Variants in HIP1R observed in about 807,000 individuals in gnomAD.
HIP1R encodes huntingtin interacting protein 1 related, also known as huntingtin-interacting protein 1-related protein.
Under a neutral mutation model 144.2 loss-of-function variants are expected in HIP1R, and 135 were observed. The ratio of observed to expected loss-of-function variants is 0.94; its 90% CI spans 0.81 to 1.08. The LOEUF is 1.08. HIP1R is among the 50% of genes least tolerant of loss of function. The pLI, the probability that HIP1R is intolerant of heterozygous loss-of-function variation, is 0.00. For missense variants in HIP1R, 1,462 were observed against 1,432.8 expected, an observed-to-expected ratio of 1.02 and a Z score of -0.33; for synonymous variants, 698 against 612.8, an observed-to-expected ratio of 1.14 and a Z score of -2.05.
intron 1 of HIP1R, among the ~76,000 whole-genome samples, chr12:122,837,145 A>G (rs2032922570): frequency 6.6e-6 from 1 of 152,138 alleles, no homozygotes. Flanking sequence ...GCCTTTGAGG[A>G]CGTATAAAGA....
Position 122,859,076 on chromosome 12 carries a change from G to T in HIP1R, c.2174G>T (p.Cys725Phe). 6.2e-7 allele frequency: 1 copy of T among 1,605,562 alleles called. No individual in the cohort carries two copies. Among genetic ancestry groups the T allele is most frequent in the Non-Finnish European group, 8.5e-7 (1 of 1,176,732 alleles). ...TDPADRLIDT[C>F]RECGARALEL... ...CTCACCCCAGGCCTCATAGACACCT[G>T]CAGGGAGTGCGGGGCCCGGGCTCTG... The change falls in exon 22 of 32, where the codon TGC becomes TTC. Residue 725 changes from cysteine to phenylalanine, a missense_variant. Cys to Phe is a radical substitution (Grantham distance 205). Coordinates refer to ENST00000253083, the MANE Select transcript of HIP1R (RefSeq NM_003959.3).
chr12:122,848,683 C>A, intron 3 of HIP1R, 75 bp downstream of exon 3: 5 of 1,594,048 alleles, frequency 3.1e-6, no homozygotes, highest in Non-Finnish European at 4.3e-6. Context: ...TGGCCCTGTT[C>A]CTGTCCCCGT....
intron 1 of HIP1R, among the ~76,000 whole-genome samples, chr12:122,843,607 C>CT (rs1206569436): frequency 6.6e-6 from 1 of 152,174 alleles, no homozygotes; most frequent in African/African-American, 2.4e-5. Context: ...ACTCTCTGTC[C>CT]TTAAAGGTCA....
chr12:122,860,200 A>C lies in HIP1R; in HGVS notation c.2549A>C (p.Glu850Ala), dbSNP rs982867397. The change falls in exon 26 of 32, where the codon GAG becomes GCG. Residue 850 changes from glutamate to alanine, a missense_variant. This residue lies in a region of HIP1R where 1,112 missense variants were observed against 1,011.7 expected (regional missense o/e 1.10). Transcript: ENST00000253083. ...ACTAGCCTGCAGAAGGAGATCGTGG[A>C]GAGCGGCAGGGTGAGGGGCCGGCGG... is the stretch of plus-strand genomic sequence containing the variant. Reference protein sequence around the residue: ...TSTSLQKEIVESGRGAATQQE... With the variant: ...TSTSLQKEIVASGRGAATQQE... 3 of 1,563,576 alleles carry C rather than the reference A, an allele frequency of 1.9e-6. No individual in the cohort carries two copies. The highest frequency in any genetic ancestry group is 2.6e-6 in the Non-Finnish European group (3 of 1,155,896).
At chr12:122,850,167 G>A (rs997799611) in intron 5 of HIP1R, 1 of 679,444 alleles carries the variant, frequency 1.5e-6, no homozygotes, top group Non-Finnish European at 2.7e-6. Context: ...GTGGACGTGG[G>A]CACGGGCTTC....
At chr12:122,852,142 A>G (rs1458600863) in intron 7 of HIP1R, among the ~76,000 whole-genome samples, 2 of 152,258 alleles carry the variant, frequency 1.3e-5, no homozygotes, top group East Asian at 3.8e-4. Flanking sequence ...GAGGGCAAGA[A>G]GCAAATGCCT....
At chr12:122,854,859 T>C in intron 8 of HIP1R, 46 bp from the exon 9 acceptor site, 2 of 1,592,454 alleles carry the variant, frequency 1.3e-6, no homozygotes, top group Non-Finnish European at 1.7e-6. Flanking sequence ...GGTGAGCCCC[T>C]GAGCAGTGTG....
intron 7 of HIP1R, chr12:122,853,514 C>T (rs1019664449): frequency 1.2e-5 from 1 of 83,544 alleles, no homozygotes; most frequent in East Asian, 3.6e-4. Flanking sequence ...GCAGGGGAGA[C>T]GGGCCCTGGG....
chr12:122,856,596 TGCCCCA>T (rs1438978392), intron 16 of HIP1R, 23 bp from the exon 17 acceptor site: 2 of 1,599,098 alleles, frequency 1.3e-6, no homozygotes, highest in Admixed American at 1.7e-5. Context: ...CCCAGCCCAC[TGCCCCA>T]GTGACACGCT....
At position 122,858,162 on chromosome 12, in the gene HIP1R, G is replaced by T. The variant is rs1330857436; in HGVS notation, c.1876G>T (p.Gly626Cys). The stretch of plus-strand genomic sequence containing the variant: ...GGACGAGCAGTTCGCAGTGTTGCGG[G>T]GCGCTGCTGCCGAGGCCGCGGGCAT... ...LLDEQFAVLR[G>C]AAAEAAGILQ... The change falls in exon 19 of 32, where the codon GGC becomes TGC. Residue 626 changes from glycine (G) to cysteine (C), a missense_variant. This residue lies in a region of HIP1R where 1,112 missense variants were observed against 1,011.7 expected (regional missense o/e 1.10). Coordinates refer to ENST00000253083, the MANE Select transcript of HIP1R (RefSeq NM_003959.3). 1 of 1,606,354 alleles carries T rather than the reference G, an allele frequency of 6.2e-7. No homozygotes were observed. The highest frequency in any genetic ancestry group is 1.7e-5 in the Admixed American group (1 of 59,864).
Position 122,862,583 on chromosome 12 carries a change from C to G in HIP1R, c.*830C>G, listed in dbSNP as rs937380729. The stretch of plus-strand genomic sequence containing the variant: ...GAGAGTGGGCTTGGCCCTAGGCCCT[C>G]CAGCTCAGCCAGAAAAAGCCCAGAA... On this transcript the variant is annotated 3_prime_UTR_variant, in exon 32 of 32. Coordinates refer to ENST00000253083, the MANE Select transcript of HIP1R (RefSeq NM_003959.3). 3 of 152,400 alleles carry G rather than the reference C, an allele frequency of 2.0e-5. No homozygotes were observed. The highest frequency in any genetic ancestry group is 7.2e-5 in the African/African-American group (3 of 41,472). The allele number at this position is 152,400 out of a possible 1,614,324, so 9.4% of individuals were successfully genotyped here.
intron 1 of HIP1R, among the ~76,000 whole-genome samples, chr12:122,838,131 C>CT (rs2032958750): frequency 1.3e-5 from 2 of 152,122 alleles, no homozygotes; most frequent in African/African-American, 4.8e-5. Context: ...TTCCTGTGAG[C>CT]TTTTTTGACA....
chr12:122,859,374 GTGGGACGGGGGGGGACGGAGGCTACCCC>G, intron 22 of HIP1R, 24 bp from the exon 23 acceptor site: 1 of 1,538,482 alleles, frequency 6.5e-7, no homozygotes, highest in Non-Finnish European at 9.0e-7. Flanking sequence ...CAGGCTGCCC[GTGGGACGGGGGGGGACGGAGGCTACCCC>G]TGTCTGACTC....
Position 122,861,333 on chromosome 12 carries a change from C to CGGTCTT in HIP1R, c.2979_2980insGTCTTG (p.Thr993_Leu994insValLeu). The CGGTCTT allele has an allele frequency of 6.2e-7, 1 of 1,613,724 alleles. No homozygotes were observed. The highest frequency in any genetic ancestry group is 8.5e-7 in the Non-Finnish European group (1 of 1,179,976). On this transcript the variant is annotated inframe_insertion, in exon 31 of 32. Coordinates refer to ENST00000253083, the MANE Select transcript of HIP1R (RefSeq NM_003959.3). ...GTGCGTGTCCTGGAGCTGGAGAAGA[C>CGGTCTT]GCTGGAGGCTGAACGCATGCGGCTG...
At chr12:122,846,747 TAGGGGCC>T (rs1409484817) in intron 1 of HIP1R, among the ~76,000 whole-genome samples, 2 of 152,160 alleles carry the variant, frequency 1.3e-5, no homozygotes, top group African/African-American at 2.4e-5. Flanking sequence ...AGCATCGTGC[TAGGGGCC>T]GGGGGCGGCC....
intron 1 of HIP1R, among the ~76,000 whole-genome samples, chr12:122,837,669 C>T (rs561579709): frequency 1.3e-5 from 2 of 152,274 alleles, no homozygotes; most frequent in East Asian, 1.9e-4. Flanking sequence ...CTAAGAGGGC[C>T]ACTAACAATG....
intron 1 of HIP1R, among the ~76,000 whole-genome samples, chr12:122,845,401 A>G (rs942088888): frequency 2.0e-5 from 3 of 152,188 alleles, no homozygotes; most frequent in African/African-American, 7.2e-5. Flanking sequence ...GTGTTCCCAG[A>G]GCCAGCCGGC....
chr12:122,857,178 A>C lies in HIP1R; in HGVS notation c.1778A>C (p.Gln593Pro), dbSNP rs568239694. Residue 593 changes from glutamine to proline, a missense_variant, in exon 18 of 32, where the codon CAG becomes CCG. Around this residue, in one of 2 missense-constraint regions of HIP1R, gnomAD observed 1,112 missense variants for 1,011.7 expected, o/e 1.10. Transcript: ENST00000253083. ...AGCCGGGAGCAGCAGCGCAGCTCCC[A>C]GGAGCAGGGCGAGTTGCAGGGCCGG... ...ALSREQQRSS[Q>P]EQGELQGRLA... 11 of 1,550,478 alleles carry C rather than the reference A, an allele frequency of 7.1e-6. No homozygotes were observed. In the South Asian group the frequency reaches 9.5e-5, roughly 13 times the overall value.
intron 5 of HIP1R, chr12:122,850,189 C>G (rs903852663): frequency 1.5e-6 from 1 of 658,626 alleles, no homozygotes; most frequent in Admixed American, 2.1e-5. Context: ...CCAGGCGTTT[C>G]TGTGGACATG....
Sources: gnomAD v4.1 joint callset for allele counts (sites outside exome capture counted in the v4.1 genomes callset) on GRCh38, gnomAD v4.1.1 for gene constraint, gnomAD v4.1.1 regional missense constraint, MANE v1.5 for transcripts, NCBI Gene and HGNC (gene_info 2026-07-23, HGNC 2026-07-21) for gene names.